Variants in PITPNC1 observed in about 807,000 individuals in gnomAD.
PITPNC1 encodes the protein cytoplasmic phosphatidylinositol transfer protein 1.
In PITPNC1, 18 loss-of-function variants were observed where a neutral mutation model predicts 44.7. The observed-to-expected ratio is 0.40, with a 90% CI of 0.28 to 0.60. The LOEUF (loss-of-function observed/expected upper bound fraction) is 0.60, where lower values mean the gene tolerates loss of function less well. Ranked by LOEUF, PITPNC1 falls within the 20% of genes least tolerant of loss-of-function variation. The probability of loss-of-function intolerance (pLI) is 0.39; values close to 1 mark genes in which losing one functional copy is unlikely to be tolerated. For missense variants in PITPNC1, 290 were observed against 418.4 expected (o/e 0.69, Z 2.68); for synonymous variants, 141 against 149.6 (o/e 0.94, Z 0.42).
chr17:67,595,558 T>C (rs1598865037), intron 5 of PITPNC1, among the ~76,000 whole-genome samples: 1 of 152,266 alleles, frequency 6.6e-6, no homozygotes, highest in East Asian at 1.9e-4. Flanking sequence ...TTTCTGCCTT[T>C]TGATGCGCTG....
chr17:67,676,831 CTTTTT>C lies in PITPNC1; in HGVS notation c.682+1292_682+1296del, dbSNP rs566561273. Among the ~76,000 whole-genome samples, 2 of 149,126 alleles carry C rather than the reference CTTTTT, an allele frequency of 1.3e-5. No homozygotes were observed. The highest frequency in any genetic ancestry group is 3.0e-5 in the Non-Finnish European group (2 of 67,354). On this transcript the variant is annotated intron_variant, in intron 8 of 8. Transcript: ENST00000581322. This position sits in a 1 kb window ranked among gnomAD's most constrained non-coding sequence, Gnocchi z 4.0. The stretch of plus-strand genomic sequence containing the variant: ...AGCTATGGGCTTTTCTTTTTTTTTT[CTTTTT>C]TTCTTACCTCCTTTTGCAGTTTTCC...
chr17:67,448,675 A>C (rs774067620), intron 1 of PITPNC1, among the ~76,000 whole-genome samples: 2 of 152,084 alleles, frequency 1.3e-5, no homozygotes, highest in Non-Finnish European at 2.9e-5. Context: ...GTGGGCTCTT[A>C]TCTTCTGGTG....
chr17:67,432,244 C>CT (rs2038867091), intron 1 of PITPNC1, among the ~76,000 whole-genome samples: 1 of 152,190 alleles, frequency 6.6e-6, no homozygotes, highest in South Asian at 2.1e-4. Context: ...AATCCCAGCA[C>CT]TTTGGGAGGC....
intron 1 of PITPNC1, among the ~76,000 whole-genome samples, chr17:67,478,286 G>A (rs1374222611): frequency 4.6e-5 from 7 of 152,180 alleles, no homozygotes; most frequent in African/African-American, 1.4e-4. Context: ...AAGGCTGTCC[G>A]TGGTCTTTTG....
chr17:67,534,061 A>G (rs1300531663), intron 2 of PITPNC1, among the ~76,000 whole-genome samples: 2 of 151,618 alleles, frequency 1.3e-5, no homozygotes, highest in Non-Finnish European at 2.9e-5. Context: ...CTCCTGGCTA[A>G]TTTTTGTATT....
intron 2 of PITPNC1, 108 bp from the exon 3 acceptor site, chr17:67,552,149 A>C: frequency 1.4e-6 from 1 of 698,638 alleles, no homozygotes; most frequent in Non-Finnish European, 2.6e-6. Context: ...GAGAAAAGAG[A>C]TGCCCCAGAA....
At chr17:67,396,013 C>T (rs923673245) in intron 1 of PITPNC1, among the ~76,000 whole-genome samples, 2 of 152,126 alleles carry the variant, frequency 1.3e-5, no homozygotes, top group Admixed American at 1.3e-4. Flanking sequence ...TTTTGGATTG[C>T]GTTTGACGGA....
At chr17:67,625,434 T>A (rs1008513393) in intron 5 of PITPNC1, among the ~76,000 whole-genome samples, 3 of 152,192 alleles carry the variant, frequency 2.0e-5, no homozygotes, top group Non-Finnish European at 4.4e-5. Context: ...CCGGGAGTTG[T>A]ACCAGAGCTC....
chr17:67,640,404 G>A (rs1438228691), intron 6 of PITPNC1, among the ~76,000 whole-genome samples: 1 of 152,206 alleles, frequency 6.6e-6, no homozygotes, highest in Non-Finnish European at 1.5e-5. Flanking sequence ...AGAAGGCCAG[G>A]CACAGTGGTC....
chr17:67,477,506 A>G (rs1448138444), intron 1 of PITPNC1, among the ~76,000 whole-genome samples: 3 of 151,910 alleles, frequency 2.0e-5, no homozygotes, highest in Non-Finnish European at 2.9e-5. Flanking sequence ...TGGCCTCCCA[A>G]AATGCTGGGA....
intron 5 of PITPNC1, among the ~76,000 whole-genome samples, chr17:67,594,017 A>G (rs185809911): frequency 3.0e-4 from 45 of 152,324 alleles, no homozygotes; most frequent in African/African-American, 7.9e-4. Flanking sequence ...ATGGACAGCA[A>G]TCTTGGGTCG....
chr17:67,410,623 C>T (rs189707969), intron 1 of PITPNC1, among the ~76,000 whole-genome samples: 185 of 151,834 alleles, frequency 1.2e-3, no homozygotes, highest in Non-Finnish European at 2.4e-3. Context: ...TGGGCTCAAG[C>T]GATCCTCCCA....
intron 1 of PITPNC1, among the ~76,000 whole-genome samples, chr17:67,463,543 G>C (rs147155192): frequency 6.6e-6 from 1 of 152,192 alleles, no homozygotes; most frequent in Admixed American, 6.5e-5. Context: ...TGGGGTCAAA[G>C]AGCATCGCTG....
intron 3 of PITPNC1, 155 bp from the exon 4 acceptor site, chr17:67,553,455 A>G: frequency 2.3e-6 from 1 of 432,898 alleles, no homozygotes; most frequent in Non-Finnish European, 4.1e-6. Flanking sequence ...GGAGACATTC[A>G]GTATTTATGA....
intron 1 of PITPNC1, among the ~76,000 whole-genome samples, chr17:67,405,709 G>T (rs983915593): frequency 2.0e-5 from 3 of 151,542 alleles, no homozygotes; most frequent in African/African-American, 7.3e-5. Context: ...GGGTTCAAGC[G>T]ATTCTCCTGC....
intron 1 of PITPNC1, among the ~76,000 whole-genome samples, chr17:67,517,123 C>T (rs2040269391): frequency 6.6e-6 from 1 of 152,238 alleles, no homozygotes; most frequent in African/African-American, 2.4e-5. Context: ...TGAAAAGATG[C>T]CATGTGGCTG....
At chr17:67,535,114 T>C (rs189114491) in intron 2 of PITPNC1, among the ~76,000 whole-genome samples, 2 of 152,352 alleles carry the variant, frequency 1.3e-5, no homozygotes, top group Non-Finnish European at 2.9e-5. Context: ...TCCTGAGTCA[T>C]GATGAAATGC....
intron 6 of PITPNC1, among the ~76,000 whole-genome samples, chr17:67,632,730 G>A (rs539385441): frequency 2.0e-5 from 3 of 152,032 alleles, no homozygotes; most frequent in South Asian, 2.1e-4. Context: ...ACCATACCTG[G>A]CTAATTTTTG....
intron 5 of PITPNC1, chr17:67,612,003 G>A (rs1026348265): frequency 4.6e-5 from 7 of 152,230 alleles, no homozygotes; most frequent in Non-Finnish European, 7.3e-5. Flanking sequence ...GGCCTTGAGA[G>A]CCCAAGAATT....
Sources: allele counts gnomAD v4.1 joint callset (sites outside exome capture counted in the v4.1 genomes callset), GRCh38; gene constraint gnomAD v4.1.1; non-coding constraint Gnocchi (gnomAD v3.1); transcripts MANE v1.5; gene names NCBI Gene and HGNC (gene_info 2026-07-23, HGNC 2026-07-21).